BID: variants seen among roughly 807,000 people sequenced by gnomAD.
BID encodes the protein BH3-interacting domain death agonist.
In BID, 19 loss-of-function variants were observed where a neutral mutation model predicts 17.4. The observed-to-expected ratio is 1.09, with a 90% CI of 0.76 to 1.60. The LOEUF is 1.60. Ranked by LOEUF, BID falls within the 40% of genes most tolerant of loss-of-function variation. BID has a pLI of 0.00. For missense variants in BID, 226 were observed against 256.0 expected (o/e 0.88, Z 0.80); for synonymous variants, 108 against 102.8 (o/e 1.05, Z -0.31).
intron 3 of BID, chr22:17,739,778 G>A (rs889615722): frequency 8.6e-6 from 5 of 578,666 alleles, no homozygotes; most frequent in African/African-American, 1.9e-5. Context: ...TCACGACCAC[G>A]CCTGAGGTAC....
At chr22:17,747,005 C>G (rs541453068) in intron 2 of BID, among the ~76,000 whole-genome samples, 334 of 151,510 alleles carry the variant, frequency 2.2e-3, no homozygotes, top group Non-Finnish European at 3.7e-3. Flanking sequence ...GGACACAGAG[C>G]GGTGCTGCCA....
chr22:17,747,067 G>A (rs1050100908), intron 2 of BID, among the ~76,000 whole-genome samples: 1 of 152,140 alleles, frequency 6.6e-6, no homozygotes, highest in African/African-American at 2.4e-5. Context: ...ATAAAGACTC[G>A]AGGCGGCAGG....
At chr22:17,757,524 C>T (rs1043462171) in intron 1 of BID, among the ~76,000 whole-genome samples, 39 of 151,056 alleles carry the variant, frequency 2.6e-4, no homozygotes, top group East Asian at 2.0e-3. Context: ...CTGGCTAACA[C>T]GGTGAAACCC....
chr22:17,742,470 T>TC (rs1158334746), intron 3 of BID, among the ~76,000 whole-genome samples: 18 of 121,256 alleles, frequency 1.5e-4, no homozygotes, highest in African/African-American at 2.7e-4. Context: ...CTCAGACACC[T>TC]CCCCCCACCC....
chr22:17,759,246 C>CAAAAAAAAAAACA (rs1555906734), intron 1 of BID, among the ~76,000 whole-genome samples: 2 of 114,788 alleles, frequency 1.7e-5, no homozygotes, highest in Admixed American at 8.6e-5. Context: ...AAAAACAAAA[C>CAAAAAAAAAAACA]AAAAAAAAAA....
chr22:17,772,636 G>A (rs1241814080), intron 1 of BID, among the ~76,000 whole-genome samples: 1 of 151,908 alleles, frequency 6.6e-6, no homozygotes, highest in Non-Finnish European at 1.5e-5. Flanking sequence ...ATGTCCATCC[G>A]CCTCCATCAC....
At chr22:17,766,331 G>A (rs1019098404) in intron 1 of BID, among the ~76,000 whole-genome samples, 40 of 150,026 alleles carry the variant, frequency 2.7e-4, no homozygotes, top group African/African-American at 9.9e-4. Context: ...GCCCAGGCTG[G>A]AGTGCAGTGG....
chr22:17,766,978 C>T (rs976020744), intron 1 of BID, among the ~76,000 whole-genome samples: 4 of 151,992 alleles, frequency 2.6e-5, no homozygotes, highest in African/African-American at 9.7e-5. Context: ...AATCCCAGCA[C>T]TCTGGGAGGC....
Position 17,744,030 on chromosome 22 carries a change from G to A in BID, c.13-17C>T. Reference sequence around the variant, plus strand: ...GTTGTTGACCTGAGGGGAAAGGGGAGTCAGGAAGCCGGGACTTCAGCCAGG... The same window carrying A: ...GTTGTTGACCTGAGGGGAAAGGGGAATCAGGAAGCCGGGACTTCAGCCAGG... On this transcript the variant is annotated splice_polypyrimidine_tract_variant and intron_variant, in intron 2 of 5. Transcript: ENST00000622694. The A allele has an allele frequency of 6.2e-7, 1 of 1,606,782 alleles. No individual in the cohort carries two copies. The highest frequency in any genetic ancestry group is 2.2e-5 in the East Asian group (1 of 44,796).
chr22:17,753,438 C>G (rs974474762), intron 1 of BID, among the ~76,000 whole-genome samples: 2 of 152,222 alleles, frequency 1.3e-5, no homozygotes, highest in Admixed American at 1.3e-4. Flanking sequence ...GGCCGCCTCC[C>G]CTAGGCAACG....
At chr22:17,749,651 T>C (rs903135330) in intron 2 of BID, among the ~76,000 whole-genome samples, 8 of 152,260 alleles carry the variant, frequency 5.3e-5, no homozygotes, top group South Asian at 2.1e-4. Context: ...GAAGTGCTTA[T>C]CTAATGCCCC....
intron 1 of BID, among the ~76,000 whole-genome samples, chr22:17,757,293 T>C (rs1187750678): frequency 2.7e-5 from 4 of 149,544 alleles, no homozygotes; most frequent in African/African-American, 9.9e-5. Context: ...CGTGTGCCTG[T>C]AGTCCCAGCT....
intron 1 of BID, among the ~76,000 whole-genome samples, chr22:17,753,362 C>T (rs1468114169): frequency 6.6e-6 from 1 of 152,234 alleles, no homozygotes; most frequent in Non-Finnish European, 1.5e-5. Context: ...GTGAGGGCAG[C>T]TCCCCTGAGC....
At chr22:17,774,491 C>A, upstream of BID, 1 of 270,850 alleles carries the variant, frequency 3.7e-6, no homozygotes, top group South Asian at 3.2e-5. Flanking sequence ...CGCGCTTCCT[C>A]CTTCGGCCCC....
At chr22:17,755,058 G>T (rs996242966) in intron 1 of BID, among the ~76,000 whole-genome samples, 1 of 150,454 alleles carries the variant, frequency 6.6e-6, no homozygotes. Flanking sequence ...CACCGTGCCT[G>T]GCCTGAATTT....
intron 5 of BID, 84 bp from the exon 6 acceptor site, chr22:17,735,675 A>C (rs4819624): frequency 0.13 from 205,543 of 1,547,296 alleles, 15,131 homozygotes; most frequent in Non-Finnish European, 0.15. Flanking sequence ...CAGTAGAGCA[A>C]AGCTGGGGTT....
chr22:17,761,164 CA>C (rs1269320255), intron 1 of BID, among the ~76,000 whole-genome samples: 13 of 152,052 alleles, frequency 8.5e-5, no homozygotes, highest in African/African-American at 3.1e-4. Flanking sequence ...TGTGATTTTC[CA>C]GGGGCACTCA....
Position 17,773,737 on chromosome 22 carries a change from G to A in BID, c.-59+644C>T. 6.4e-7 allele frequency: 1 copy of A among 1,565,036 alleles called. No individual in the cohort carries two copies. Among genetic ancestry groups the A allele is most frequent in the Non-Finnish European group, 8.7e-7 (1 of 1,149,652 alleles). On this transcript the variant is annotated intron_variant, in intron 1 of 5. Coordinates refer to ENST00000622694, the MANE Select transcript of BID (RefSeq NM_001196.4). This position sits in a 1 kb window ranked among gnomAD's most constrained non-coding sequence, Gnocchi z 4.4. ...TGAACCCTTGCCAGCCCAGCCACTT[G>A]GTGGCTGAGGGCTTCAGAGCTCTCC...
intron 4 of BID, among the ~76,000 whole-genome samples, chr22:17,738,642 C>T (rs768417816): frequency 1.3e-5 from 2 of 152,222 alleles, no homozygotes; most frequent in African/African-American, 2.4e-5. Context: ...TGGCAAGGAC[C>T]GTCAGGCGGT....
Sources: allele counts gnomAD v4.1 joint callset (sites outside exome capture counted in the v4.1 genomes callset), GRCh38; gene constraint gnomAD v4.1.1; non-coding constraint Gnocchi (gnomAD v3.1); transcripts MANE v1.5; gene names NCBI Gene and HGNC (gene_info 2026-07-23, HGNC 2026-07-21).